CMKLR1: variants seen among roughly 807,000 people sequenced by gnomAD.
CMKLR1 encodes chemerin-like receptor 1.
A neutral mutation model predicts 8.2 loss-of-function variants in CMKLR1; 6 were observed. The observed-to-expected ratio is 0.73, with a 90% CI of 0.40 to 1.44. The LOEUF (loss-of-function observed/expected upper bound fraction) is 1.44, where lower values mean the gene tolerates loss of function less well. Among genes scored for constraint, CMKLR1 ranks in the 40% most tolerant of loss-of-function variants. CMKLR1 has a pLI of 0.02. For synonymous variants in CMKLR1, 178 were observed against 181.2 expected, an observed-to-expected ratio of 0.98 and a Z score of 0.14; for missense variants, 429 against 478.0, an observed-to-expected ratio of 0.90 and a Z score of 0.96.
In CMKLR1 at chr12:108,326,575, G is replaced by C; in HGVS notation, c.-74+3420C>G. Among the ~76,000 whole-genome samples, 3 of 152,070 alleles carry C rather than the reference G, an allele frequency of 2.0e-5. No individual in the cohort carries two copies. In the East Asian group the frequency reaches 5.8e-4, roughly 29 times the overall value. ...TCAGTATAGAAAGGGTCTGCAGCAC[G>C]TGAAAGGCAGAAAGGCCTGGAAATC... On this transcript the variant is annotated intron_variant, in intron 2 of 3. Transcript: ENST00000550402.
In CMKLR1 at chr12:108,288,092, GAAGT is replaced by G. The variant is rs1260286008; in HGVS notation, c.*3745_*3748del. ...AGAGAAACTTTGTCCTCAAAGGGAA[GAAGT>G]AAGAAGACCCCCTGCTGAATTATTT... On this transcript the variant is annotated 3_prime_UTR_variant, in exon 4 of 4. Coordinates refer to ENST00000550402, the MANE Select transcript of CMKLR1 (RefSeq NM_001142343.2). The G allele has an allele frequency of 2.0e-5, 3 of 152,162 alleles. No individual in the cohort carries two copies. The highest frequency in any genetic ancestry group is 7.2e-5 in the African/African-American group (3 of 41,424). The allele number at this position is 152,162 out of a possible 1,614,324, so 9.4% of individuals were successfully genotyped here. A position where few individuals can be genotyped will look rare whatever the true frequency, so the allele number is the denominator to read the frequency against.
intron 2 of CMKLR1, chr12:108,317,860 AC>A (rs979987269): frequency 3.9e-4 from 60 of 152,364 alleles, no homozygotes; most frequent in African/African-American, 1.4e-3. Context: ...TTTCCACTGT[AC>A]CCACCTCCCT....
rs1445434812 is a variant in CMKLR1 at position 108,330,187 on chromosome 12, C to G, written c.-266G>C. On this transcript the variant is annotated 5_prime_UTR_variant, in exon 2 of 4. Coordinates refer to ENST00000550402, the MANE Select transcript of CMKLR1 (RefSeq NM_001142343.2). The stretch of plus-strand genomic sequence containing the variant: ...GAGCCTCCTGGTAGAAAAATCCAAG[C>G]AGTTCTGCTGGAGAGATGGGCTACA... 1 of 152,154 alleles carries G rather than the reference C, an allele frequency of 6.6e-6. No homozygotes were observed. Among genetic ancestry groups the G allele is most frequent in the Non-Finnish European group, 1.5e-5 (1 of 68,066 alleles). The allele number at this position is 152,154 out of a possible 1,614,324, so 9.4% of individuals were successfully genotyped here.
intron 2 of CMKLR1, among the ~76,000 whole-genome samples, chr12:108,323,985 A>G (rs918615771): frequency 3.9e-5 from 6 of 152,192 alleles, no homozygotes; most frequent in African/African-American, 1.2e-4. Context: ...CCAGGGGTCT[A>G]CAGTCCAGCC....
intron 2 of CMKLR1, among the ~76,000 whole-genome samples, chr12:108,321,270 A>C (rs78248861): frequency 0.013 from 1,905 of 152,274 alleles, 41 homozygotes; most frequent in African/African-American, 0.043. Context: ...CCTCACTCAT[A>C]CAAAAAATAA....
chr12:108,336,824 C>G (rs1045167790), intron 1 of CMKLR1, among the ~76,000 whole-genome samples: 23 of 152,318 alleles, frequency 1.5e-4, no homozygotes, highest in African/African-American at 5.3e-4. Context: ...TAGAAATGAT[C>G]ATCAGAACAA....
At chr12:108,298,068 C>T (rs887414980) in intron 2 of CMKLR1, among the ~76,000 whole-genome samples, 1 of 152,158 alleles carries the variant, frequency 6.6e-6, no homozygotes, top group Non-Finnish European at 1.5e-5. Flanking sequence ...GTTGCTTTCT[C>T]GTTCTTGATC....
At chr12:108,310,709 A>G (rs1263396548) in intron 2 of CMKLR1, among the ~76,000 whole-genome samples, 8 of 152,082 alleles carry the variant, frequency 5.3e-5, no homozygotes. Context: ...AAGGGCCCAT[A>G]CTGTCCAGTC....
At chr12:108,322,632 C>G (rs1054689794) in intron 2 of CMKLR1, among the ~76,000 whole-genome samples, 19 of 152,074 alleles carry the variant, frequency 1.2e-4, no homozygotes, top group Non-Finnish European at 2.8e-4. Flanking sequence ...TTAGTTCCCA[C>G]AAGAACTGAT....
rs568761626 is a variant in CMKLR1, at chr12:108,299,938, C to G, written c.-73-6274G>C. Reference sequence around the variant, plus strand: ...AAAACAAATACACTCCCCATTCTGGCTCCTACAGCGTCCTGCTCACCCATG... The same window carrying G: ...AAAACAAATACACTCCCCATTCTGGGTCCTACAGCGTCCTGCTCACCCATG... On this transcript the variant is annotated intron_variant, in intron 2 of 3. Transcript: ENST00000550402. Among the ~76,000 whole-genome samples, 18 of 152,326 alleles carry G rather than the reference C, an allele frequency of 1.2e-4. No individual in the cohort carries two copies. In the East Asian group the frequency reaches 2.5e-3, roughly 21 times the overall value.
intron 2 of CMKLR1, among the ~76,000 whole-genome samples, chr12:108,314,759 T>C (rs2137322712): frequency 6.6e-6 from 1 of 152,256 alleles, no homozygotes; most frequent in South Asian, 2.1e-4. Flanking sequence ...TTTAAAATTT[T>C]ATTATTTTAA....
chr12:108,309,375 A>G (rs943295973), intron 2 of CMKLR1, among the ~76,000 whole-genome samples: 5 of 152,154 alleles, frequency 3.3e-5, no homozygotes, highest in South Asian at 4.1e-4. Context: ...GAATACACAG[A>G]GAGGGAGACA....
rs574247456 is a variant in CMKLR1, at chr12:108,322,434, T to C, written c.-74+7561A>G. 8.5e-5 allele frequency among the ~76,000 whole-genome samples: 13 copies of C among 152,266 alleles called. No individual in the cohort carries two copies. The East Asian group carries it at 1.6e-3, about 18-fold the overall frequency. On this transcript the variant is annotated intron_variant, in intron 2 of 3. Coordinates refer to ENST00000550402, the MANE Select transcript of CMKLR1 (RefSeq NM_001142343.2). ...TTTAAATCCCAACTCAGTTCACAACTTTCTTCTCCAGCTGTATCGTGTGAA... is the reference window on the plus strand; with the variant it reads ...TTTAAATCCCAACTCAGTTCACAACCTTCTTCTCCAGCTGTATCGTGTGAA...
rs1368118231 is a variant in CMKLR1, at chr12:108,289,808, A to C, written c.*2033T>G. 3 of 152,324 alleles carry C rather than the reference A, an allele frequency of 2.0e-5. No homozygotes were observed. The highest frequency in any genetic ancestry group is 7.2e-5 in the African/African-American group (3 of 41,486). 9.4% of individuals were successfully genotyped at this position (152,324 alleles called of 1,614,324 possible). ...TGCCTTGTCATAAGCATTAAGGCAC[A>C]ATAAGGGAAGGAACAGTTTGTCTCT... is the stretch of plus-strand genomic sequence containing the variant. On this transcript the variant is annotated 3_prime_UTR_variant, in exon 4 of 4. Transcript: ENST00000550402.
chr12:108,334,649 A>T (rs940024054), intron 1 of CMKLR1, among the ~76,000 whole-genome samples: 1 of 152,198 alleles, frequency 6.6e-6, no homozygotes, highest in Non-Finnish European at 1.5e-5. Context: ...TAACCACACC[A>T]TGTACACGTA....
chr12:108,328,517 G>A (rs1477849011), intron 2 of CMKLR1, among the ~76,000 whole-genome samples: 1 of 152,218 alleles, frequency 6.6e-6, no homozygotes, highest in Non-Finnish European at 1.5e-5. Flanking sequence ...CTCCCAGCCA[G>A]CACGTGGCTG....
intron 2 of CMKLR1, among the ~76,000 whole-genome samples, chr12:108,295,248 G>A (rs977732133): frequency 6.6e-6 from 1 of 152,210 alleles, no homozygotes; most frequent in East Asian, 1.9e-4. Context: ...GCTACAGCAG[G>A]GCTCAGAGAG....
intron 2 of CMKLR1, among the ~76,000 whole-genome samples, chr12:108,313,971 C>A (rs1891653484): frequency 6.6e-6 from 1 of 152,202 alleles, no homozygotes; most frequent in Admixed American, 6.5e-5. Context: ...GCCAGCACTT[C>A]CTCTGCATCA....
At chr12:108,328,948 C>T (rs1892043865) in intron 2 of CMKLR1, among the ~76,000 whole-genome samples, 1 of 152,222 alleles carries the variant, frequency 6.6e-6, no homozygotes, top group Non-Finnish European at 1.5e-5. Flanking sequence ...CTACGTCCAT[C>T]AGCAAGTCCT....
Sources: allele counts gnomAD v4.1 joint callset (sites outside exome capture counted in the v4.1 genomes callset), GRCh38; gene constraint gnomAD v4.1.1; transcripts MANE v1.5; gene names NCBI Gene and HGNC (gene_info 2026-07-23, HGNC 2026-07-21).